Variants in ATP8B4 observed in about 807,000 individuals in gnomAD.
The protein encoded by ATP8B4 is ATPase phospholipid transporting 8B4 (putative).
A neutral mutation model predicts 145.6 loss-of-function variants in ATP8B4; 133 were observed. The ratio of observed to expected loss-of-function variants is 0.91; its 90% confidence interval spans 0.79 to 1.05. The LOEUF (loss-of-function observed/expected upper bound fraction) is 1.05, where lower values mean the gene tolerates loss of function less well. Among genes scored for constraint, ATP8B4 ranks in the 50% least tolerant of loss-of-function variants. The pLI is 0.00. For missense variants in ATP8B4, 1,458 were observed against 1,425.2 expected (o/e 1.02, Z -0.37); for synonymous variants, 507 against 492.9 (o/e 1.03, Z -0.38).
Position 49,948,326 on chromosome 15 carries a change from G to C in ATP8B4, c.1287+13651C>G, listed in dbSNP as rs879695217. Among the ~76,000 whole-genome samples, 35 of 151,230 alleles carry C rather than the reference G, an allele frequency of 2.3e-4. 1 individual carries two copies. Among genetic ancestry groups the C allele is most frequent in the Non-Finnish European group, 2.5e-4 (17 of 67,950 alleles). On this transcript the variant is annotated intron_variant, in intron 14 of 27. Coordinates refer to ENST00000284509, the MANE Select transcript of ATP8B4 (RefSeq NM_024837.4). ...CAGCCAGGCATGGTGGCACTCGCCT[G>C]TAGTCCCAGCTACTTGGGAGGCTGA...
At chr15:49,868,035 TAGAAAG>T (rs751043794) in intron 25 of ATP8B4, among the ~76,000 whole-genome samples, 2 of 152,134 alleles carry the variant, frequency 1.3e-5, no homozygotes, top group Non-Finnish European at 2.9e-5. Context: ...AATGGCATTT[TAGAAAG>T]AGAAAAAGGA....
At chr15:50,085,931 ATATATT>A (rs796667586) in intron 2 of ATP8B4, among the ~76,000 whole-genome samples, 18 of 44,462 alleles carry the variant, frequency 4.0e-4, no homozygotes, top group African/African-American at 1.3e-3. Context: ...TATATATCAT[ATATATT>A]TATATATGAT....
chr15:50,151,613 T>TA (rs2044348077), intron 1 of ATP8B4, among the ~76,000 whole-genome samples: 1 of 152,066 alleles, frequency 6.6e-6, no homozygotes, highest in Non-Finnish European at 1.5e-5. Flanking sequence ...TAGCTTGATG[T>TA]AGTGGCACAT....
chr15:49,986,942 A>G (rs1212684929), intron 10 of ATP8B4, among the ~76,000 whole-genome samples: 1 of 148,822 alleles, frequency 6.7e-6, no homozygotes, highest in Non-Finnish European at 1.5e-5. Context: ...TATGGAGTAT[A>G]AACAGAAATG....
At chr15:50,120,918 A>G (rs2057263087), upstream of ATP8B4, among the ~76,000 whole-genome samples, 1 of 152,130 alleles carries the variant, frequency 6.6e-6, no homozygotes, top group African/African-American at 2.4e-5. Flanking sequence ...TAAAAAGATG[A>G]TCATTATAGA....
intron 13 of ATP8B4, among the ~76,000 whole-genome samples, chr15:49,962,593 T>C (rs1311739483): frequency 2.6e-5 from 4 of 152,200 alleles, no homozygotes; most frequent in Admixed American, 2.6e-4. Flanking sequence ...ATAGATCTAA[T>C]AGAAAATAAG....
intron 13 of ATP8B4, among the ~76,000 whole-genome samples, chr15:49,972,171 A>G (rs1020985528): frequency 1.3e-5 from 2 of 152,194 alleles, no homozygotes; most frequent in Non-Finnish European, 2.9e-5. Flanking sequence ...TACCTAATGT[A>G]GACGACGGGT....
intron 1 of ATP8B4, among the ~76,000 whole-genome samples, chr15:50,166,384 A>G (rs2044599044): frequency 6.6e-6 from 1 of 152,228 alleles, no homozygotes; most frequent in Admixed American, 6.5e-5. Context: ...ATCATAATTC[A>G]TTAGCAATAG....
At chr15:50,136,181 G>T (rs965742022) in intron 1 of ATP8B4, among the ~76,000 whole-genome samples, 2 of 152,148 alleles carry the variant, frequency 1.3e-5, no homozygotes, top group African/African-American at 4.8e-5. Context: ...TGAGGGCCGT[G>T]TGTCTGGCAC....
In ATP8B4 at chr15:49,918,968, G is replaced by A. The variant is rs772238745; in HGVS notation, c.1924-18C>T. 3 of 1,569,822 alleles carry A rather than the reference G, an allele frequency of 1.9e-6. No individual in the cohort carries two copies. Among genetic ancestry groups the A allele is most frequent in the Non-Finnish European group, 1.7e-6 (2 of 1,144,110 alleles). On this transcript the variant is annotated intron_variant, in intron 18 of 27. Coordinates refer to ENST00000284509, the MANE Select transcript of ATP8B4 (RefSeq NM_024837.4). ...CCTAGTAGCTTTATTGAAAAAGAGAGAAAAGTTTATGTTAATGCATGCAAA... is the reference window on the plus strand; with the variant it reads ...CCTAGTAGCTTTATTGAAAAAGAGAAAAAAGTTTATGTTAATGCATGCAAA...
chr15:49,874,116 TCTGGGTATA>T (rs2034042619), intron 25 of ATP8B4, among the ~76,000 whole-genome samples: 1 of 152,188 alleles, frequency 6.6e-6, no homozygotes, highest in Non-Finnish European at 1.5e-5. Context: ...TGTGCTCAGC[TCTGGGTATA>T]CAGCGATTAA....
In ATP8B4 at chr15:49,907,219, T is replaced by C. The variant is rs763780696; in HGVS notation, c.2142-5980A>G. Among the ~76,000 whole-genome samples, 57 of 152,264 alleles carry C rather than the reference T, an allele frequency of 3.7e-4. No homozygotes were observed. The Middle Eastern group carries it at 0.01, about 27-fold the overall frequency. ...TTGTACATCCCAGACTTGAACTAAA[T>C]TTAACTGAAAATGCCTAGTTTAATT... On this transcript the variant is annotated intron_variant, in intron 20 of 27. Transcript: ENST00000284509.
intron 6 of ATP8B4, among the ~76,000 whole-genome samples, chr15:50,011,823 G>C (rs964993037): frequency 1.3e-5 from 2 of 152,084 alleles, no homozygotes; most frequent in Non-Finnish European, 2.9e-5. Context: ...TCCCTTCTAA[G>C]AGAAAAGGTT....
intron 2 of ATP8B4, among the ~76,000 whole-genome samples, chr15:50,081,629 A>T (rs1156357228): frequency 6.6e-6 from 1 of 152,156 alleles, no homozygotes; most frequent in Non-Finnish European, 1.5e-5. Flanking sequence ...CTTCCTAAAA[A>T]TCAGTTTGTG....
At chr15:50,048,824 T>C (rs1177626153) in intron 3 of ATP8B4, among the ~76,000 whole-genome samples, 3 of 152,116 alleles carry the variant, frequency 2.0e-5, no homozygotes, top group Admixed American at 1.3e-4. Flanking sequence ...CCAACAGGTA[T>C]AGATTTGACC....
intron 5 of ATP8B4, among the ~76,000 whole-genome samples, chr15:50,042,398 T>C (rs2051366166): frequency 6.6e-6 from 1 of 152,178 alleles, no homozygotes; most frequent in African/African-American, 2.4e-5. Flanking sequence ...ATGAACCAAC[T>C]TGATAAGTAC....
At chr15:49,881,473 G>C (rs2035405072) in intron 23 of ATP8B4, among the ~76,000 whole-genome samples, 1 of 152,188 alleles carries the variant, frequency 6.6e-6, no homozygotes, top group Non-Finnish European at 1.5e-5. Context: ...GTATGGGCCA[G>C]TTCCAAGATA....
intron 23 of ATP8B4, among the ~76,000 whole-genome samples, chr15:49,880,953 A>C (rs1200080373): frequency 3.3e-5 from 5 of 152,142 alleles, no homozygotes; most frequent in African/African-American, 7.2e-5. Context: ...TCTACTAAAA[A>C]TACAAAAAAT....
At chr15:50,042,082 G>A (rs937732767) in intron 5 of ATP8B4, among the ~76,000 whole-genome samples, 7 of 151,614 alleles carry the variant, frequency 4.6e-5, no homozygotes, top group African/African-American at 7.3e-5. Flanking sequence ...TTGAACCCAC[G>A]AGGCAGAAGT....
Sources: gnomAD v4.1 joint callset for allele counts (sites outside exome capture counted in the v4.1 genomes callset) on GRCh38, gnomAD v4.1.1 for gene constraint, MANE v1.5 for transcripts, NCBI Gene and HGNC (gene_info 2026-07-23, HGNC 2026-07-21) for gene names.